CHDH: variants seen among roughly 807,000 people sequenced by gnomAD.
CHDH encodes the protein choline dehydrogenase, mitochondrial.
A neutral mutation model predicts 56.9 loss-of-function variants in CHDH; 43 were observed. That is an observed-to-expected ratio of 0.76 (90% CI 0.59 to 0.97). The LOEUF is 0.97. Among genes scored for constraint, CHDH ranks in the 50% least tolerant of loss-of-function variants. CHDH has a pLI of 0.00. For missense variants in CHDH, 816 were observed against 821.1 expected (o/e 0.99, Z 0.08); for synonymous variants, 364 against 348.5 (o/e 1.04, Z -0.50).
intron 2 of CHDH, among the ~76,000 whole-genome samples, chr3:53,831,952 CAA>C (rs113683840): frequency 2.6e-4 from 28 of 106,524 alleles, no homozygotes; most frequent in Non-Finnish European, 2.2e-4. Context: ...GACTCCATCT[CAA>C]AAAAAAAAAA....
rs1399914263 is a variant in CHDH, at chr3:53,819,668, C to T, written c.1127G>A (p.Gly376Glu). ...LEWLWKFTGE[G>E]ATAHLETGGF... is the part of the protein sequence containing the mutation. ...ACCTGTTTCCAGATGGGCAGTGGCTCCCTCCCCTGAGAAGCAGAAGAGGAT... is the reference window on the plus strand; with the variant it reads ...ACCTGTTTCCAGATGGGCAGTGGCTTCCTCCCCTGAGAAGCAGAAGAGGAT... The change falls in exon 7 of 9, where the codon GGA becomes GAA. Residue 376 changes from glycine to glutamate, a missense_variant. By Grantham distance (98) the Gly-to-Glu change is moderately conservative (BLOSUM62 -2). Transcript: ENST00000315251. The surrounding 1 kb of genome is among the most constrained non-coding windows in gnomAD (Gnocchi z 5.4). The T allele has an allele frequency of 8.1e-6, 13 of 1,600,976 alleles. No individual in the cohort carries two copies. In the East Asian group the frequency reaches 2.9e-4, roughly 36 times the overall value.
chr3:53,822,800 G>A (rs1363729962), intron 3 of CHDH, among the ~76,000 whole-genome samples, 158 bp from the exon 4 acceptor site: 3 of 152,178 alleles, frequency 2.0e-5, no homozygotes, highest in Admixed American at 2.0e-4. Flanking sequence ...GCAAGACCCT[G>A]CCCTACTGAG....
At chr3:53,822,405 G>A (rs2095628821) in intron 4 of CHDH, 86 bp downstream of exon 4, 3 of 1,305,998 alleles carry the variant, frequency 2.3e-6, no homozygotes, top group East Asian at 2.3e-5. Flanking sequence ...CTGGGGGTGA[G>A]GGCGTGACTC....
chr3:53,819,460 G>T lies in CHDH; in HGVS notation c.1263+72C>A. 6.5e-7 allele frequency: 1 copy of T among 1,540,068 alleles called. No individual in the cohort carries two copies. The highest frequency in any genetic ancestry group is 1.9e-5 in the Admixed American group (1 of 51,820). On this transcript the variant is annotated intron_variant, in intron 7 of 8. Transcript: ENST00000315251. The surrounding 1 kb of genome is among the most constrained non-coding windows in gnomAD (Gnocchi z 5.4). Reference sequence around the variant, plus strand: ...TGGCACCAGGGAGAATGCTGCCTTGGAAGATGGGAGCATCTTCCTTCCTGG... The same window carrying T: ...TGGCACCAGGGAGAATGCTGCCTTGTAAGATGGGAGCATCTTCCTTCCTGG...
Position 53,823,780 on chromosome 3 carries a change from C to T in CHDH, c.229G>A (p.Val77Met), listed in dbSNP as rs779406466. The change falls in exon 3 of 9, where the codon GTG (valine) becomes ATG (methionine). Residue 77 changes from valine (V) to methionine (M), a missense_variant. Val to Met is a conservative substitution (Grantham distance 21). Transcript: ENST00000315251. The part of the protein sequence containing the change: ...VLLLEAGPKD[V>M]LAGSKRLSWK... ...GAGAGCCGCTTGCTCCCCGCGAGCA[C>T]GTCCTTGGGCCCGGCCTCCAGCAGC... 5.7e-6 allele frequency: 9 copies of T among 1,571,690 alleles called. No individual in the cohort carries two copies. The African/African-American group carries it at 8.1e-5, about 14-fold the overall frequency.
chr3:53,840,654 T>C (rs1046946323), intron 2 of CHDH, among the ~76,000 whole-genome samples: 1 of 152,196 alleles, frequency 6.6e-6, no homozygotes, highest in Non-Finnish European at 1.5e-5. Context: ...CCCATCTCCA[T>C]CATCTCTTCT....
At chr3:53,827,298 G>T (rs980772115) in intron 2 of CHDH, among the ~76,000 whole-genome samples, 3 of 152,022 alleles carry the variant, frequency 2.0e-5, no homozygotes, top group Non-Finnish European at 4.4e-5. Flanking sequence ...TACTGCTCCA[G>T]CCATGTAAGA....
At chr3:53,835,367 C>T (rs1698463706) in intron 2 of CHDH, among the ~76,000 whole-genome samples, 2 of 152,246 alleles carry the variant, frequency 1.3e-5, no homozygotes, top group African/African-American at 4.8e-5. Context: ...AGTTACTTTA[C>T]AGCCCTGAAT....
intron 2 of CHDH, among the ~76,000 whole-genome samples, chr3:53,824,733 G>C (rs1327401170): frequency 1.3e-5 from 2 of 152,160 alleles, no homozygotes; most frequent in African/African-American, 4.8e-5. Context: ...CAATAGCTTT[G>C]AAAGGGCCCT....
chr3:53,833,754 G>A (rs115124895), intron 2 of CHDH, among the ~76,000 whole-genome samples: 357 of 152,226 alleles, frequency 2.3e-3, no homozygotes, highest in African/African-American at 8.0e-3. Context: ...CCAGTCTAGT[G>A]CCTGGACCAG....
At chr3:53,832,335 T>A (rs1300813267) in intron 2 of CHDH, among the ~76,000 whole-genome samples, 1 of 152,070 alleles carries the variant, frequency 6.6e-6, no homozygotes, top group East Asian at 1.9e-4. Flanking sequence ...ATTAAGACCA[T>A]CCTGGATAAC....
chr3:53,840,597 C>T (rs1039555173), intron 2 of CHDH, among the ~76,000 whole-genome samples: 1 of 152,098 alleles, frequency 6.6e-6, no homozygotes, highest in Non-Finnish European at 1.5e-5. Flanking sequence ...AAAACAGGAC[C>T]CCCACGAGGT....
intron 2 of CHDH, among the ~76,000 whole-genome samples, chr3:53,836,329 A>G (rs544966621): frequency 1.3e-5 from 2 of 152,272 alleles, no homozygotes; most frequent in African/African-American, 4.8e-5. Context: ...CCTAAGCCCG[A>G]CCAGGCCAGG....
chr3:53,817,902 C>T lies in CHDH; in HGVS notation c.1660G>A (p.Gly554Ser), dbSNP rs200668252. ...ATGATTGTGGGGGCGTTCAGGTTGC[C>T]GCTGACCATGCTAGGCATGATGGAG... ...DASIMPSMVS[G>S]NLNAPTIMIA... The change falls in exon 9 of 9, where the codon GGC becomes AGC. Residue 554 changes from glycine (G) to serine (S), a missense_variant. Physicochemically the swap from Gly to Ser is moderately conservative, Grantham distance 56. Transcript: ENST00000315251. 32 of 1,614,214 alleles carry T rather than the reference C, an allele frequency of 2.0e-5. No homozygotes were observed. In the East Asian group the frequency reaches 2.2e-4, roughly 11 times the overall value.
At chr3:53,830,848 C>G (rs1354574299) in intron 2 of CHDH, among the ~76,000 whole-genome samples, 1 of 151,946 alleles carries the variant, frequency 6.6e-6, no homozygotes, top group Non-Finnish European at 1.5e-5. Context: ...CCCCTCGCCC[C>G]CCACCCCCAC....
chr3:53,841,560 G>A (rs562539571), intron 1 of CHDH, among the ~76,000 whole-genome samples: 1 of 152,282 alleles, frequency 6.6e-6, no homozygotes, highest in South Asian at 2.1e-4. Flanking sequence ...GCCAAGGTTA[G>A]CCAGCCAATT....
chr3:53,825,635 G>C (rs6807783), intron 2 of CHDH, among the ~76,000 whole-genome samples: 50,571 of 152,040 alleles, frequency 0.33, 13,857 homozygotes, highest in African/African-American at 0.75. Context: ...GCGGAAAGAA[G>C]AGACAGAGAA....
Position 53,813,170 on chromosome 3 carries a change from C to CT in CHDH, c.*4606dup, listed in dbSNP as rs1390250572. The CT allele has an allele frequency of 3.8e-5, 5 of 131,480 alleles. No homozygotes were observed. Among genetic ancestry groups the CT allele is most frequent in the Non-Finnish European group, 6.3e-5 (4 of 63,120 alleles). 8.1% of individuals were successfully genotyped at this position (131,480 alleles called of 1,614,324 possible). On this transcript the variant is annotated 3_prime_UTR_variant, in exon 9 of 9. Coordinates refer to ENST00000315251, the MANE Select transcript of CHDH (RefSeq NM_018397.5). ...TTTTTTTTGTAAATAACAAACACCA[C>CT]TTTGTTATGAAGACCTTACAAACCT...
Position 53,822,606 on chromosome 3 carries a change from G to T in CHDH, c.740C>A (p.Pro247Gln). The T allele has an allele frequency of 1.2e-6, 2 of 1,612,034 alleles. No individual in the cohort carries two copies. The change falls in exon 4 of 9, where the codon CCA becomes CAA. Residue 247 changes from proline (P) to glutamine (Q), a missense_variant. Transcript: ENST00000315251. Reference protein sequence around the residue: ...RWSAACAYLHPALSRTNLKAE... With the variant: ...RWSAACAYLHQALSRTNLKAE... ...CTTGAGGTTGGTGCGGCTCAGTGCT[G>T]GGTGCAGGTAGGCACAGGCCGCGCT... is the stretch of plus-strand genomic sequence containing the variant.
Sources: gnomAD v4.1 joint callset for allele counts (sites outside exome capture counted in the v4.1 genomes callset) on GRCh38, gnomAD v4.1.1 for gene constraint, Gnocchi (gnomAD v3.1) non-coding constraint, MANE v1.5 for transcripts, NCBI Gene and HGNC (gene_info 2026-07-23, HGNC 2026-07-21) for gene names.